PEBP4: variants seen among roughly 807,000 people sequenced by gnomAD.
PEBP4 encodes phosphatidylethanolamine binding protein 4.
In PEBP4, 22 loss-of-function variants were observed where a neutral mutation model predicts 23.9. That is an observed-to-expected ratio of 0.92 (90% CI 0.66 to 1.31). The LOEUF (loss-of-function observed/expected upper bound fraction) is 1.31, where lower values mean the gene tolerates loss of function less well. PEBP4 is among the 40% of genes most tolerant of loss of function. The pLI is 0.00. For synonymous variants in PEBP4, 112 were observed against 99.3 expected, an observed-to-expected ratio of 1.13 and a Z score of -0.76; for missense variants, 324 against 281.7, an observed-to-expected ratio of 1.15 and a Z score of -1.07.
chr8:22,731,538 AG>A (rs1229386492), intron 4 of PEBP4, among the ~76,000 whole-genome samples: 1 of 152,214 alleles, frequency 6.6e-6, no homozygotes, highest in African/African-American at 2.4e-5. Flanking sequence ...GGCTATTAGT[AG>A]TTAAATTTGG....
chr8:22,831,022 G>A (rs1005351183), intron 3 of PEBP4, among the ~76,000 whole-genome samples: 1 of 152,118 alleles, frequency 6.6e-6, no homozygotes, highest in Non-Finnish European at 1.5e-5. Context: ...CACTGTCCTT[G>A]TCATCTTGTA....
At chr8:22,786,296 T>G (rs769281927) in intron 4 of PEBP4, among the ~76,000 whole-genome samples, 1 of 152,080 alleles carries the variant, frequency 6.6e-6, no homozygotes, top group Non-Finnish European at 1.5e-5. Context: ...TTGTTTGTTT[T>G]TTAAGAGACA....
intron 4 of PEBP4, among the ~76,000 whole-genome samples, chr8:22,790,197 TTTCCTTCC>T (rs1263765085): frequency 3.9e-5 from 6 of 152,350 alleles, no homozygotes; most frequent in African/African-American, 1.4e-4. Flanking sequence ...TTGATGATTC[TTTCCTTCC>T]TTCCTTCCTT....
At chr8:22,768,687 G>C (rs985773787) in intron 4 of PEBP4, among the ~76,000 whole-genome samples, 12 of 152,146 alleles carry the variant, frequency 7.9e-5, no homozygotes, top group African/African-American at 2.9e-4. Flanking sequence ...CTGGGTGCTG[G>C]GGAGGGTGGC....
intron 6 of PEBP4, among the ~76,000 whole-genome samples, chr8:22,723,460 C>T (rs1043624001): frequency 1.3e-5 from 2 of 152,162 alleles, no homozygotes; most frequent in Non-Finnish European, 2.9e-5. Flanking sequence ...CCCCGAGAGA[C>T]TCCCGCCCTG....
chr8:22,901,775 AC>A (rs1167697136), intron 3 of PEBP4, among the ~76,000 whole-genome samples: 3 of 152,162 alleles, frequency 2.0e-5, no homozygotes, highest in Non-Finnish European at 4.4e-5. Context: ...TAGCGAGGGC[AC>A]CGTTCTGTGA....
intron 4 of PEBP4, among the ~76,000 whole-genome samples, chr8:22,776,638 C>T (rs745899545): frequency 2.6e-5 from 4 of 151,986 alleles, no homozygotes; most frequent in Admixed American, 6.6e-5. Context: ...CTCTCCCTAT[C>T]TGCAAACACT....
intron 4 of PEBP4, among the ~76,000 whole-genome samples, chr8:22,766,246 C>A (rs1247442975): frequency 1.3e-5 from 2 of 152,220 alleles, no homozygotes; most frequent in African/African-American, 4.8e-5. Flanking sequence ...GCCATTCATG[C>A]CTGTGGGACT....
At chr8:22,751,651 TG>T (rs879501603) in intron 4 of PEBP4, among the ~76,000 whole-genome samples, 15,909 of 151,102 alleles carry the variant, frequency 0.11, 1,059 homozygotes, top group South Asian at 0.19. Flanking sequence ...TGTGTGTGTG[TG>T]TGTGTTGTGC....
intron 4 of PEBP4, among the ~76,000 whole-genome samples, chr8:22,735,890 G>A (rs1379251602): frequency 2.0e-5 from 3 of 152,240 alleles, no homozygotes; most frequent in Non-Finnish European, 2.9e-5. Context: ...AGGGCTACAT[G>A]TTCCTTGTAG....
intron 4 of PEBP4, among the ~76,000 whole-genome samples, chr8:22,800,293 G>T (rs78762488): frequency 0.011 from 1,603 of 152,184 alleles, 30 homozygotes; most frequent in African/African-American, 0.036. Context: ...GACAGAAAGA[G>T]AAATAGTATT....
At chr8:22,866,593 A>G (rs1270895359) in intron 3 of PEBP4, among the ~76,000 whole-genome samples, 2 of 151,938 alleles carry the variant, frequency 1.3e-5, no homozygotes, top group Admixed American at 1.3e-4. Flanking sequence ...TAACCACTAT[A>G]CTAAACTGCC....
chr8:22,798,887 G>A (rs1021873707), intron 4 of PEBP4, among the ~76,000 whole-genome samples: 11 of 151,554 alleles, frequency 7.3e-5, no homozygotes, highest in African/African-American at 2.4e-4. Context: ...ACAGTTGCCC[G>A]ACACCATGCC....
chr8:22,873,827 G>A (rs1469867309), intron 3 of PEBP4, among the ~76,000 whole-genome samples: 1 of 152,146 alleles, frequency 6.6e-6, no homozygotes, highest in African/African-American at 2.4e-5. Context: ...GGAGGTCGGG[G>A]GGAGTCCCAG....
At chr8:22,829,847 A>G (rs1185976513) in intron 3 of PEBP4, among the ~76,000 whole-genome samples, 1 of 152,058 alleles carries the variant, frequency 6.6e-6, no homozygotes, top group Non-Finnish European at 1.5e-5. Flanking sequence ...CAACACCCTC[A>G]GCCTGTTTCC....
At chr8:22,851,949 G>A (rs940594089) in intron 3 of PEBP4, among the ~76,000 whole-genome samples, 3 of 152,116 alleles carry the variant, frequency 2.0e-5, no homozygotes, top group Non-Finnish European at 2.9e-5. Flanking sequence ...GCTGAGCCAC[G>A]GGCCAGCTGG....
At chr8:22,731,985 T>C (rs1331531036) in intron 4 of PEBP4, among the ~76,000 whole-genome samples, 3 of 152,038 alleles carry the variant, frequency 2.0e-5, no homozygotes, top group African/African-American at 7.2e-5. Flanking sequence ...CCATACCCCC[T>C]CATTGTTTAA....
intron 3 of PEBP4, among the ~76,000 whole-genome samples, chr8:22,825,520 A>G (rs1188676171): frequency 6.6e-6 from 1 of 152,246 alleles, no homozygotes; most frequent in Non-Finnish European, 1.5e-5. Flanking sequence ...CCAGCCTTTA[A>G]TAGGTGCCCA....
rs925003672 is a variant in PEBP4, at chr8:22,750,485, C to T, written c.358-23265G>A. 1.3e-4 allele frequency among the ~76,000 whole-genome samples: 20 copies of T among 152,226 alleles called. 1 individual carries two copies. The highest frequency in any genetic ancestry group is 7.3e-5 in the Non-Finnish European group (5 of 68,040). On this transcript the variant is annotated intron_variant, in intron 4 of 6. Transcript: ENST00000256404. ...GGGGCTGGAATTGGAAAAAATTTAT[C>T]TGGGCAGAATTTTTTCTTCTTCCAA...
Sources: gnomAD v4.1 joint callset for allele counts (sites outside exome capture counted in the v4.1 genomes callset) on GRCh38, gnomAD v4.1.1 for gene constraint, MANE v1.5 for transcripts, NCBI Gene and HGNC (gene_info 2026-07-23, HGNC 2026-07-21) for gene names.